Variants in LMX1B observed in about 807,000 individuals in gnomAD.
LMX1B encodes LIM homeobox transcription factor 1 beta, also known as LIM homeobox transcription factor 1-beta.
In LMX1B, 12 loss-of-function variants were observed where a neutral mutation model predicts 51.4. That is an observed-to-expected ratio of 0.23 (90% CI 0.15 to 0.38). The LOEUF (loss-of-function observed/expected upper bound fraction) is 0.38. Among genes scored for constraint, LMX1B ranks in the 10% least tolerant of loss-of-function variants. The probability of loss-of-function intolerance (pLI) is 1.00; values close to 1 mark genes in which losing one functional copy is unlikely to be tolerated. For synonymous variants in LMX1B, 237 were observed against 235.4 expected, an observed-to-expected ratio of 1.01 and a Z score of -0.06; for missense variants, 445 against 571.1, an observed-to-expected ratio of 0.78 and a Z score of 2.25.
chr9:126,689,593 G>A (rs1178423560), intron 2 of LMX1B, among the ~76,000 whole-genome samples: 1 of 152,244 alleles, frequency 6.6e-6, no homozygotes, highest in Non-Finnish European at 1.5e-5. Flanking sequence ...ACACGTGACA[G>A]GGTGGGGGAG....
At chr9:126,665,988 CCT>C (rs1421835720) in intron 2 of LMX1B, among the ~76,000 whole-genome samples, 5 of 152,232 alleles carry the variant, frequency 3.3e-5, no homozygotes, top group Non-Finnish European at 7.3e-5. Flanking sequence ...GAGGAGGAGG[CCT>C]CTCATCACAG....
intron 2 of LMX1B, among the ~76,000 whole-genome samples, chr9:126,650,177 G>A (rs567061836): frequency 6.6e-6 from 1 of 152,332 alleles, no homozygotes; most frequent in South Asian, 2.1e-4. Flanking sequence ...CCACTGAGGA[G>A]GGCTGGGCAT....
chr9:126,631,430 T>TCAGCA (rs1835635265), intron 2 of LMX1B, among the ~76,000 whole-genome samples: 1 of 151,952 alleles, frequency 6.6e-6, no homozygotes, highest in Non-Finnish European at 1.5e-5. Context: ...AGAGACCTAA[T>TCAGCA]GCCTATTAGG....
intron 2 of LMX1B, among the ~76,000 whole-genome samples, chr9:126,628,018 A>G (rs1279066350): frequency 6.6e-6 from 1 of 152,182 alleles, no homozygotes; most frequent in Non-Finnish European, 1.5e-5. Flanking sequence ...CTGGACAATG[A>G]AATGATTTTG....
chr9:126,694,247 AG>A (rs145120747), intron 6 of LMX1B, among the ~76,000 whole-genome samples: 2,605 of 152,164 alleles, frequency 0.017, 31 homozygotes, highest in South Asian at 0.029. Flanking sequence ...AATCACTGCA[AG>A]GGGGGGTATT....
chr9:126,680,866 G>A (rs151038561), intron 2 of LMX1B, among the ~76,000 whole-genome samples: 11 of 152,248 alleles, frequency 7.2e-5, no homozygotes, highest in African/African-American at 2.2e-4. Context: ...CCTGATGCCC[G>A]GTTGGTCCAG....
intron 1 of LMX1B, 39 bp downstream of exon 1, chr9:126,614,627 T>G: frequency 5.4e-6 from 8 of 1,491,004 alleles, no homozygotes; most frequent in Non-Finnish European, 7.2e-6. Context: ...GTCTCGGGCG[T>G]GGGATGGGGC....
At chr9:126,693,876 T>G (rs950077056) in intron 6 of LMX1B, 64 bp downstream of exon 6, 1 of 782,890 alleles carries the variant, frequency 1.3e-6, no homozygotes, top group East Asian at 2.7e-5. Flanking sequence ...GGGGTGGGCC[T>G]AGGCCAGGGT....
rs1588265696 is a variant in LMX1B, at chr9:126,625,750, C to T, written c.326+10181C>T. On this transcript the variant is annotated intron_variant, in intron 2 of 7. Transcript: ENST00000373474. This position sits in a 1 kb window ranked among gnomAD's most constrained non-coding sequence, Gnocchi z 5.3. ...CTCGTCCCACCGTTTGCAGGGCTTTCCTGCGGCGCTCTGGCCGCAGAGACC... is the reference window on the plus strand; with the variant it reads ...CTCGTCCCACCGTTTGCAGGGCTTTTCTGCGGCGCTCTGGCCGCAGAGACC... 6.6e-6 allele frequency among the ~76,000 whole-genome samples: 1 copy of T among 152,216 alleles called. No individual in the cohort carries two copies. Among genetic ancestry groups the T allele is most frequent in the Non-Finnish European group, 1.5e-5 (1 of 68,034 alleles).
chr9:126,688,753 C>T (rs1405014543), intron 2 of LMX1B, among the ~76,000 whole-genome samples: 2 of 152,222 alleles, frequency 1.3e-5, no homozygotes, highest in Non-Finnish European at 2.9e-5. Flanking sequence ...GAGCCATGCC[C>T]TGCAGGCTGG....
At chr9:126,636,696 G>A (rs1220061159) in intron 2 of LMX1B, among the ~76,000 whole-genome samples, 1 of 152,184 alleles carries the variant, frequency 6.6e-6, no homozygotes, top group Non-Finnish European at 1.5e-5. Context: ...CGTGTGCGTA[G>A]GTGTGTGTAG....
chr9:126,693,044 G>A (rs969208548), intron 3 of LMX1B, 98 bp from the exon 4 acceptor site: 6 of 1,292,870 alleles, frequency 4.6e-6, no homozygotes, highest in East Asian at 2.5e-5. Context: ...CAACAGAGGG[G>A]ACAGGCTCCC....
At chr9:126,647,230 A>G (rs1835919020) in intron 2 of LMX1B, among the ~76,000 whole-genome samples, 2 of 152,202 alleles carry the variant, frequency 1.3e-5, no homozygotes, top group Admixed American at 1.3e-4. Flanking sequence ...AAAAAATGCT[A>G]GGAAAAATTC....
chr9:126,685,926 C>T (rs368307049), intron 2 of LMX1B, among the ~76,000 whole-genome samples: 46 of 152,182 alleles, frequency 3.0e-4, no homozygotes, highest in Middle Eastern at 3.4e-3. Flanking sequence ...ATTCCAAGCC[C>T]GGTGCATGCA....
At chr9:126,627,209 G>C (rs972541489) in intron 2 of LMX1B, among the ~76,000 whole-genome samples, 1 of 152,098 alleles carries the variant, frequency 6.6e-6, no homozygotes, top group Non-Finnish European at 1.5e-5. Flanking sequence ...CCCGTGGCCG[G>C]GTTACCCTGT....
At chr9:126,635,286 C>A (rs559871169) in intron 2 of LMX1B, among the ~76,000 whole-genome samples, 1 of 152,324 alleles carries the variant, frequency 6.6e-6, no homozygotes, top group Admixed American at 6.5e-5. Flanking sequence ...AGGGAGCAGG[C>A]CCGGGGCTTA....
At chr9:126,651,190 C>CT (rs1835998491) in intron 2 of LMX1B, among the ~76,000 whole-genome samples, 1 of 151,972 alleles carries the variant, frequency 6.6e-6, no homozygotes, top group African/African-American at 2.4e-5. Flanking sequence ...CGTGCTGGGG[C>CT]TGACTGATCC....
At chr9:126,652,367 A>AG (rs1419888614) in intron 2 of LMX1B, among the ~76,000 whole-genome samples, 7 of 152,122 alleles carry the variant, frequency 4.6e-5, no homozygotes, top group Non-Finnish European at 1.0e-4. Flanking sequence ...CTCCCGTTCA[A>AG]AGGCAGTCTC....
chr9:126,656,788 T>C (rs896037834), intron 2 of LMX1B, among the ~76,000 whole-genome samples: 3 of 152,050 alleles, frequency 2.0e-5, no homozygotes, highest in Non-Finnish European at 2.9e-5. Context: ...CCTATGCATG[T>C]AGGGTGTTCA....
Sources: gnomAD v4.1 joint callset for allele counts (sites outside exome capture counted in the v4.1 genomes callset) on GRCh38, gnomAD v4.1.1 for gene constraint, Gnocchi (gnomAD v3.1) non-coding constraint, MANE v1.5 for transcripts, NCBI Gene and HGNC (gene_info 2026-07-23, HGNC 2026-07-21) for gene names.